Variants in HNRNPCL2 observed in about 807,000 individuals in gnomAD.
HNRNPCL2 encodes heterogeneous nuclear ribonucleoprotein C like 2, also known as heterogeneous nuclear ribonucleoprotein C-like 2.
In HNRNPCL2, 17 loss-of-function variants were observed where a neutral mutation model predicts 18.2. That is an observed-to-expected ratio of 0.94 (90% CI 0.64 to 1.40). HNRNPCL2 has a LOEUF of 1.40. HNRNPCL2 is among the 40% of genes most tolerant of loss of function. HNRNPCL2 has a pLI of 0.00. For missense variants in HNRNPCL2, 358 were observed against 357.1 expected (o/e 1.00, Z -0.02); for synonymous variants, 133 against 129.9 (o/e 1.02, Z -0.16).
At position 13,115,938 on chromosome 1, in the gene HNRNPCL2, T is replaced by G. The variant is rs563402255; in HGVS notation, c.463A>C (p.Arg155=). The G allele has an allele frequency of 1.9e-4, 301 of 1,613,002 alleles. 5 individuals are homozygous for G. In the South Asian group the frequency reaches 3.2e-3, roughly 17 times the overall value. Residue 155 remains arginine, a synonymous_variant, in exon 2 of 2, where the codon AGG becomes CGG. Transcript: ENST00000621994. ...RQRISGNTSR[R]GKSGFNSKSG... is the part of the protein sequence containing the mutation. ...TTAGAATTGAAGCCACTTTTGCCCC[T>G]TCGTGAGGTGTTTCCTGATATGCGC...
At chr1:13,116,704 T>G (rs1477513073) in intron 1 of HNRNPCL2, 89 bp downstream of exon 1, 2 of 525,830 alleles carry the variant, frequency 3.8e-6, no homozygotes, top group Non-Finnish European at 3.2e-6. Flanking sequence ...ATGATATAGT[T>G]CTATGCCATC....
At position 13,116,232 on chromosome 1, in the gene HNRNPCL2, A is replaced by G. The variant is rs780157657; in HGVS notation, c.169T>C (p.Tyr57His). 5.0e-6 allele frequency: 8 copies of G among 1,612,288 alleles called. No homozygotes were observed. The African/African-American group carries it at 1.1e-4, about 22-fold the overall frequency. The change falls in exon 2 of 2, where the codon TAT (tyrosine) becomes CAT (histidine). Residue 57 changes from tyrosine to histidine, a missense_variant. Tyr to His is a moderately conservative substitution (Grantham distance 83). Coordinates refer to ENST00000621994, the MANE Select transcript of HNRNPCL2 (RefSeq NM_001136561.3). ...GCCCGGGCATTTTTCTCCTTATCAT[A>G]TTGAACGAAGGCAAAGCCCTTATGA... ...SVHKGFAFVQ[Y>H]DKEKNARAAV...
In HNRNPCL2 at chr1:13,116,356, G is replaced by A. The variant is rs1457502224; in HGVS notation, c.45C>T (p.Asn15=). ...TGAGATTCCCAATGAACACACGGGAGTTCACGGAGTGAGGATCCATCTTGT... is the reference window on the plus strand; with the variant it reads ...TGAGATTCCCAATGAACACACGGGAATTCACGGAGTGAGGATCCATCTTGT... ...VTNKMDPHSV[N]SRVFIGNLNT... Residue 15 remains asparagine, a synonymous_variant, in exon 2 of 2, where the codon AAC becomes AAT. Transcript: ENST00000621994. 4.3e-6 allele frequency: 7 copies of A among 1,613,230 alleles called. No individual in the cohort carries two copies. The highest frequency in any genetic ancestry group is 5.1e-6 in the Non-Finnish European group (6 of 1,179,748).
intron 1 of HNRNPCL2, 57 bp downstream of exon 1, chr1:13,116,736 C>G: frequency 2.7e-6 from 1 of 374,130 alleles, no homozygotes; most frequent in Non-Finnish European, 4.7e-6. Context: ...TGTCACCGTT[C>G]TAGACCGGCT....
chr1:13,116,684 A>T (rs1557695995), intron 1 of HNRNPCL2, 103 bp from the exon 2 acceptor site: 1 of 640,840 alleles, frequency 1.6e-6, no homozygotes, highest in Non-Finnish European at 2.5e-6. Flanking sequence ...TGAAAAAAAG[A>T]AAAAAAGACA....
In HNRNPCL2 at chr1:13,116,224, C is replaced by T; in HGVS notation, c.177G>A (p.Lys59=). The change falls in exon 2 of 2, where the codon AAG becomes AAA. Residue 59 remains lysine (K), a synonymous_variant. Coordinates refer to ENST00000621994, the MANE Select transcript of HNRNPCL2 (RefSeq NM_001136561.3). ...CTACAGCAGCCCGGGCATTTTTCTC[C>T]TTATCATATTGAACGAAGGCAAAGC... ...HKGFAFVQYD[K]EKNARAAVAG... 2 of 1,612,318 alleles carry T rather than the reference C, an allele frequency of 1.2e-6. No individual in the cohort carries two copies. Among genetic ancestry groups the T allele is most frequent in the Non-Finnish European group, 8.5e-7 (1 of 1,179,692 alleles).
chr1:13,115,607 T>C lies in HNRNPCL2; in HGVS notation c.794A>G (p.Asn265Ser), dbSNP rs779482774. The change falls in exon 2 of 2, where the codon AAC becomes AGC. Residue 265 changes from asparagine to serine, a missense_variant. Physicochemically the swap from Asn to Ser is conservative, Grantham distance 46. Coordinates refer to ENST00000621994, the MANE Select transcript of HNRNPCL2 (RefSeq NM_001136561.3). ...ATTATTCTTGATCAAATGAAGCTGG[T>C]TGTCCCCCTGATCTTCATTATCATC... ...DDDDNEDQGDNQLHLIKNNEK... is the reference protein window; with the variant it reads ...DDDDNEDQGDSQLHLIKNNEK... 2.5e-6 allele frequency: 4 copies of C among 1,613,586 alleles called. No homozygotes were observed. Among genetic ancestry groups the C allele is most frequent in the East Asian group, 4.5e-5 (2 of 44,884 alleles).
At position 13,116,185 on chromosome 1, in the gene HNRNPCL2, G is replaced by T; in HGVS notation, c.216C>A (p.Gly72=). The T allele has an allele frequency of 6.2e-7, 1 of 1,610,826 alleles. No individual in the cohort carries two copies. Among genetic ancestry groups the T allele is most frequent in the Non-Finnish European group, 8.5e-7 (1 of 1,178,904 alleles). ...CTGCAACCTGGCTAGCAATCATTCT[G>T]CCATCCTCTCCTGCTACAGCAGCCC... is the stretch of plus-strand genomic sequence containing the variant. ...NARAAVAGED[G]RMIASQVAVI... is the part of the protein sequence containing the mutation. Residue 72 remains glycine (G), a synonymous_variant, in exon 2 of 2, where the codon GGC becomes GGA. Transcript: ENST00000621994.
chr1:13,116,642 G>GA lies in HNRNPCL2; in HGVS notation c.-181-62dup, dbSNP rs777100298. Reference sequence around the variant, plus strand: ...TGAAATCACGACAAAATTGCATTTAGAAAAAAAAATCAAAGCTTCAAAGTG... The same window carrying GA: ...TGAAATCACGACAAAATTGCATTTAGAAAAAAAAAATCAAAGCTTCAAAGTG... On this transcript the variant is annotated intron_variant, in intron 1 of 1. Coordinates refer to ENST00000621994, the MANE Select transcript of HNRNPCL2 (RefSeq NM_001136561.3). 3.5e-3 allele frequency: 2,739 copies of GA among 789,842 alleles called. 7 individuals carry two copies. Among genetic ancestry groups the GA allele is most frequent in the Non-Finnish European group, 4.3e-3 (2,293 of 535,600 alleles). The allele number at this position is 789,842 out of a possible 1,614,324, so 48.9% of individuals were successfully genotyped here.
rs759803114 is a variant in HNRNPCL2 at position 13,116,429 on chromosome 1, G to C, written c.-29C>G. The C allele has an allele frequency of 2.0e-5, 32 of 1,579,054 alleles. No homozygotes were observed. Among genetic ancestry groups the C allele is most frequent in the Non-Finnish European group, 2.7e-5 (32 of 1,163,968 alleles). On this transcript the variant is annotated 5_prime_UTR_variant, in exon 2 of 2. Coordinates refer to ENST00000621994, the MANE Select transcript of HNRNPCL2 (RefSeq NM_001136561.3). ...GTTGGATGATAAGGTTTCTCAAAAA[G>C]CCAAAAACAGGAGGCGGGAGGGAGA...
intron 1 of HNRNPCL2, 52 bp from the exon 2 acceptor site, chr1:13,116,633 T>C (rs77810577): frequency 4.5e-5 from 40 of 896,992 alleles, no homozygotes; most frequent in African/African-American, 3.4e-4. Flanking sequence ...CACGACAAAA[T>C]TGCATTTAGA....
At position 13,116,238 on chromosome 1, in the gene HNRNPCL2, C is replaced by T. The variant is rs545465984; in HGVS notation, c.163G>A (p.Val55Ile). The T allele has an allele frequency of 1.5e-5, 24 of 1,612,310 alleles. 1 individual carries two copies. In the South Asian group the frequency reaches 2.2e-4, roughly 15 times the overall value. Reference sequence around the variant, plus strand: ...GCATTTTTCTCCTTATCATATTGAACGAAGGCAAAGCCCTTATGAACAGAG... The same window carrying T: ...GCATTTTTCTCCTTATCATATTGAATGAAGGCAAAGCCCTTATGAACAGAG... ...GCSVHKGFAF[V>I]QYDKEKNARA... The change falls in exon 2 of 2, where the codon GTT (valine) becomes ATT (isoleucine). Residue 55 changes from valine (V) to isoleucine (I), a missense_variant. Transcript: ENST00000621994.
intron 1 of HNRNPCL2, 62 bp from the exon 2 acceptor site, chr1:13,116,643 A>G: frequency 2.4e-6 from 2 of 835,420 alleles, no homozygotes; most frequent in Non-Finnish European, 3.6e-6. Flanking sequence ...TTGCATTTAG[A>G]AAAAAAAATC....
At position 13,115,633 on chromosome 1, in the gene HNRNPCL2, A is replaced by G. The variant is rs1458602494; in HGVS notation, c.768T>C (p.Asp256=). 9.9e-6 allele frequency: 16 copies of G among 1,613,526 alleles called. No individual in the cohort carries two copies. The highest frequency in any genetic ancestry group is 1.3e-5 in the African/African-American group (1 of 74,608). Reference sequence around the variant, plus strand: ...TGTCCCCCTGATCTTCATTATCATCATCATCCAGTGGGTCCCCCTCCTCAG... The same window carrying G: ...TGTCCCCCTGATCTTCATTATCATCGTCATCCAGTGGGTCCCCCTCCTCAG... ...DSAEEGDPLD[D]DDNEDQGDNQ... is the part of the protein sequence containing the mutation. The change falls in exon 2 of 2, where the codon GAT becomes GAC. Residue 256 remains aspartate (D), a synonymous_variant. Coordinates refer to ENST00000621994, the MANE Select transcript of HNRNPCL2 (RefSeq NM_001136561.3).
At position 13,116,381 on chromosome 1, in the gene HNRNPCL2, T is replaced by C. The variant is rs746761642; in HGVS notation, c.20A>G (p.Asn7Ser). Reference sequence around the variant, plus strand: ...GTTCACGGAGTGAGGATCCATCTTGTTGGTAACGTTGCTGGCCATTGTGTT... The same window carrying C: ...GTTCACGGAGTGAGGATCCATCTTGCTGGTAACGTTGCTGGCCATTGTGTT... MASNVT[N>S]KMDPHSVNSR... Residue 7 changes from asparagine (N) to serine (S), a missense_variant, in exon 2 of 2, where the codon AAC (asparagine) becomes AGC (serine). Physicochemically the swap from Asn to Ser is conservative, Grantham distance 46. Coordinates refer to ENST00000621994, the MANE Select transcript of HNRNPCL2 (RefSeq NM_001136561.3). 23 of 1,612,684 alleles carry C rather than the reference T, an allele frequency of 1.4e-5. No individual in the cohort carries two copies. Among genetic ancestry groups the C allele is most frequent in the African/African-American group, 2.7e-5 (2 of 74,414 alleles).
In HNRNPCL2 at chr1:13,115,544, C is replaced by A; in HGVS notation, c.857G>T (p.Ser286Ile). The A allele has an allele frequency of 6.2e-7, 1 of 1,609,898 alleles. No homozygotes were observed. Among genetic ancestry groups the A allele is most frequent in the Non-Finnish European group, 8.5e-7 (1 of 1,178,254 alleles). Residue 286 changes from serine (S) to isoleucine (I), a missense_variant, in exon 2 of 2, where the codon AGC becomes ATC. Transcript: ENST00000621994. Reference protein sequence around the residue: ...DAEEGEDNRDSTNGQDDS With the variant: ...DAEEGEDNRDITNGQDDS ...TTAAGAGTCATCCTGGCCATTGGTG[C>A]TGTCTCTGTTATCCTCTCCTTCCTC...
rs766917023 is a variant in HNRNPCL2 at position 13,115,818 on chromosome 1, C to T, written c.583G>A (p.Asp195Asn). 7.4e-6 allele frequency: 12 copies of T among 1,613,152 alleles called. No homozygotes were observed. In the East Asian group the frequency reaches 2.7e-4, roughly 36 times the overall value. The change falls in exon 2 of 2, where the codon GAT becomes AAT. Residue 195 changes from aspartate to asparagine, a missense_variant. By Grantham distance (23) the Asp-to-Asn change is conservative. Transcript: ENST00000621994. ...QELTQIKQKV[D>N]SLLENLEKIE... is the part of the protein sequence containing the mutation. ...TTTTCCAGGTTTTCCAGGAGAGAAT[C>T]CACTTTCTGTTTTATCTGGGTCAAC...
chr1:13,116,642 G>C, intron 1 of HNRNPCL2, 61 bp from the exon 2 acceptor site: 1 of 793,272 alleles, frequency 1.3e-6, no homozygotes, highest in Non-Finnish European at 1.9e-6. Flanking sequence ...ATTGCATTTA[G>C]AAAAAAAAAT....
In HNRNPCL2 at chr1:13,116,540, C is replaced by T; in HGVS notation, c.-140G>A. 1 of 1,375,308 alleles carries T rather than the reference C, an allele frequency of 7.3e-7. No homozygotes were observed. The highest frequency in any genetic ancestry group is 9.7e-7 in the Non-Finnish European group (1 of 1,032,140). 85.2% of individuals were successfully genotyped at this position (1,375,308 alleles called of 1,614,324 possible). A position where few individuals can be genotyped will look rare whatever the true frequency, so the allele number is the denominator to read the frequency against. On this transcript the variant is annotated 5_prime_UTR_variant, in exon 2 of 2. Transcript: ENST00000621994. Reference sequence around the variant, plus strand: ...GAGGCCAGAAATGCAGCCAAAACAGCTCAGTCTTCGTCTCTTCACAAAATG... The same window carrying T: ...GAGGCCAGAAATGCAGCCAAAACAGTTCAGTCTTCGTCTCTTCACAAAATG...
Sources: allele counts gnomAD v4.1 joint callset, GRCh38; gene constraint gnomAD v4.1.1; transcripts MANE v1.5; gene names NCBI Gene and HGNC (gene_info 2026-07-23, HGNC 2026-07-21).